Variants in IL1RAPL1 observed in about 807,000 individuals in gnomAD.
The protein encoded by IL1RAPL1 is interleukin 1 receptor accessory protein like 1.
In IL1RAPL1, 3 loss-of-function variants were observed where a neutral mutation model predicts 48.4. The ratio of observed to expected loss-of-function variants is 0.06; its 90% CI spans 0.03 to 0.16. The LOEUF is 0.16. IL1RAPL1 is among the 10% of genes least tolerant of loss of function. The pLI, the probability that IL1RAPL1 is intolerant of heterozygous loss-of-function variation, is 1.00. For synonymous variants in IL1RAPL1, 185 were observed against 187.7 expected (o/e 0.99, Z 0.12); for missense variants, 349 against 530.6 (o/e 0.66, Z 3.36).
chrX:28,771,202 T>G (rs779753107), intron 1 of IL1RAPL1, among the ~76,000 whole-genome samples: 126 of 111,680 alleles, frequency 1.1e-3, no homozygotes, highest in Non-Finnish European at 2.0e-3. Flanking sequence ...TTCTACCATC[T>G]CCACTGTCAT....
chrX:29,615,413 AG>A (rs1225968119), intron 5 of IL1RAPL1, among the ~76,000 whole-genome samples: 1 of 101,633 alleles, frequency 9.8e-6, no homozygotes, highest in Non-Finnish European at 2.0e-5. Flanking sequence ...AGAGGAGGGG[AG>A]GGGAGGGGAG....
At chrX:29,228,941 G>A (rs1230659776) in intron 2 of IL1RAPL1, among the ~76,000 whole-genome samples, 3 of 111,181 alleles carry the variant, frequency 2.7e-5, no homozygotes, top group Non-Finnish European at 5.6e-5. Context: ...CTGGATGTGC[G>A]TGGGTGGTGG....
chrX:29,781,220 A>T (rs756605188), intron 6 of IL1RAPL1, among the ~76,000 whole-genome samples: 1 of 112,236 alleles, frequency 8.9e-6, no homozygotes, highest in South Asian at 3.7e-4. Flanking sequence ...AAGCCATTTT[A>T]TCTGCAATTC....
chrX:28,732,138 C>G (rs1046471084), intron 1 of IL1RAPL1, among the ~76,000 whole-genome samples: 2 of 111,881 alleles, frequency 1.8e-5, no homozygotes, highest in Non-Finnish European at 3.8e-5. Context: ...GGTCAAGAGG[C>G]CTGAGAGTAG....
chrX:29,141,788 C>T (rs945279775), intron 2 of IL1RAPL1, among the ~76,000 whole-genome samples: 2 of 111,607 alleles, frequency 1.8e-5, no homozygotes, highest in African/African-American at 6.5e-5. Flanking sequence ...AAGTTGCAAA[C>T]AGTACACCTC....
intron 3 of IL1RAPL1, among the ~76,000 whole-genome samples, chrX:29,287,178 A>C (rs983177682): frequency 5.4e-5 from 6 of 111,771 alleles, no homozygotes; most frequent in African/African-American, 2.0e-4. Context: ...ATATTAATGA[A>C]ATCATACAGT....
At chrX:29,349,500 G>T (rs1270895887) in intron 3 of IL1RAPL1, among the ~76,000 whole-genome samples, 1 of 111,732 alleles carries the variant, frequency 8.9e-6, no homozygotes, top group Non-Finnish European at 1.9e-5. Context: ...AGAGAGACAG[G>T]AGGGTGGGAA....
Position 29,489,364 on chromosome X carries a change from G to A in IL1RAPL1, c.703+90056G>A, listed in dbSNP as rs755638728. On this transcript the variant is annotated intron_variant, in intron 5 of 10. Coordinates refer to ENST00000378993, the MANE Select transcript of IL1RAPL1 (RefSeq NM_014271.4). ...TAAGAAGAAAGGCAAGGGGGTAAAA[G>A]GAGAAACGGAATACAAGACAAGTAT... is the stretch of plus-strand genomic sequence containing the variant. 1.5e-3 allele frequency among the ~76,000 whole-genome samples: 164 copies of A among 111,791 alleles called. 1 individual carries two copies. Among genetic ancestry groups the A allele is most frequent in the African/African-American group, 5.0e-3 (154 of 30,793 alleles).
At chrX:29,426,394 A>C (rs1387767787) in intron 5 of IL1RAPL1, among the ~76,000 whole-genome samples, 1 of 111,638 alleles carries the variant, frequency 9.0e-6, no homozygotes, top group African/African-American at 3.3e-5. Flanking sequence ...TACAGTTCTG[A>C]GAAGTTAATC....
At chrX:29,535,579 A>G (rs1161919333) in intron 5 of IL1RAPL1, among the ~76,000 whole-genome samples, 1 of 111,826 alleles carries the variant, frequency 8.9e-6, no homozygotes, top group African/African-American at 3.3e-5. Context: ...AAATCCTTTC[A>G]TGTTTTTACT....
intron 1 of IL1RAPL1, among the ~76,000 whole-genome samples, chrX:28,591,415 T>G (rs1443997232): frequency 8.9e-6 from 1 of 112,342 alleles, no homozygotes; most frequent in African/African-American, 3.2e-5. Flanking sequence ...TTTGTTAGTT[T>G]GTTACACACT....
chrX:29,695,700 G>A (rs1169335198), intron 6 of IL1RAPL1, among the ~76,000 whole-genome samples: 3 of 109,833 alleles, frequency 2.7e-5, no homozygotes, highest in African/African-American at 1.0e-4. Context: ...TCATCCTTAC[G>A]TCATAATTAC....
chrX:29,228,190 A>T (rs770709254), intron 2 of IL1RAPL1, among the ~76,000 whole-genome samples: 1 of 43,324 alleles, frequency 2.3e-5, no homozygotes, highest in Non-Finnish European at 9.6e-5. Flanking sequence ...ACACACACAC[A>T]CACACACACA....
intron 2 of IL1RAPL1, among the ~76,000 whole-genome samples, chrX:28,814,457 A>G (rs927336925): frequency 4.6e-5 from 5 of 108,929 alleles, no homozygotes; most frequent in African/African-American, 1.7e-4. Flanking sequence ...AATGGTCCAT[A>G]GAGCTCATCA....
In IL1RAPL1 at chrX:28,944,772, T is replaced by G. The variant is rs766647170; in HGVS notation, c.82+155347T>G. 2.9e-5 allele frequency among the ~76,000 whole-genome samples: 3 copies of G among 104,674 alleles called. No individual in the cohort carries two copies. The East Asian group carries it at 8.9e-4, about 31-fold the overall frequency. 90.9% of individuals were successfully genotyped at this position (104,674 alleles called of 115,157 possible). A position where few individuals can be genotyped will look rare whatever the true frequency, so the allele number is the denominator to read the frequency against. On this transcript the variant is annotated intron_variant, in intron 2 of 10. Transcript: ENST00000378993. ...ATCATCCAGTGTTGGGGATAGGAAG[T>G]TTTTTTTTTTAAGATAAGAAAAAAG...
chrX:29,620,578 A>C (rs1242698658), intron 5 of IL1RAPL1, among the ~76,000 whole-genome samples: 5 of 112,227 alleles, frequency 4.5e-5, no homozygotes, highest in African/African-American at 1.6e-4. Flanking sequence ...AATGTTTTAA[A>C]ATACTGCAAT....
intron 3 of IL1RAPL1, among the ~76,000 whole-genome samples, chrX:29,338,090 A>AT (rs1300159948): frequency 8.9e-6 from 1 of 111,890 alleles, no homozygotes. Context: ...TATCTTAATC[A>AT]TTTTTTATTG....
chrX:28,831,178 G>A (rs1432431655), intron 2 of IL1RAPL1, among the ~76,000 whole-genome samples: 1 of 94,870 alleles, frequency 1.1e-5, no homozygotes, highest in Non-Finnish European at 2.1e-5. Flanking sequence ...GTGATCTCAC[G>A]TCTTTTCTGG....
chrX:28,629,548 C>T (rs184956582), intron 1 of IL1RAPL1, among the ~76,000 whole-genome samples: 14 of 112,003 alleles, frequency 1.2e-4, no homozygotes, highest in Non-Finnish European at 2.3e-4. Context: ...GGGGACCAAA[C>T]GGAAAGTGAA....
Sources: allele counts gnomAD v4.1 joint callset (sites outside exome capture counted in the v4.1 genomes callset), GRCh38; gene constraint gnomAD v4.1.1; transcripts MANE v1.5; gene names NCBI Gene and HGNC (gene_info 2026-07-23, HGNC 2026-07-21).